The following SBNO1 variants were observed in gnomAD, a reference collection of about 807,000 sequenced individuals.
SBNO1 encodes the protein strawberry notch homolog 1, also known as protein strawberry notch homolog 1.
In SBNO1, 23 loss-of-function variants were observed where a neutral mutation model predicts 173.6. The observed-to-expected ratio is 0.13, with a 90% CI of 0.10 to 0.19. SBNO1 has a LOEUF of 0.19. Ranked by LOEUF, SBNO1 falls within the 10% of genes least tolerant of loss-of-function variation. The pLI is 1.00. For synonymous variants in SBNO1, 632 were observed against 571.5 expected (o/e 1.11, Z -1.51); for missense variants, 1,238 against 1,671.2 (o/e 0.74, Z 4.52).
intron 31 of SBNO1, among the ~76,000 whole-genome samples, chr12:123,296,567 GTTTTT>G (rs1001510830): frequency 8.4e-6 from 1 of 119,254 alleles, no homozygotes; most frequent in South Asian, 2.8e-4. Flanking sequence ...TTTTTTTTTT[GTTTTT>G]TTTTTCTGAG....
chr12:123,336,762 T>C (rs190713585), intron 5 of SBNO1, among the ~76,000 whole-genome samples: 9 of 152,266 alleles, frequency 5.9e-5, no homozygotes, highest in African/African-American at 1.9e-4. Flanking sequence ...CAAGCTACTT[T>C]CCCCTTCAAT....
chr12:123,357,087 G>C (rs1874547754), intron 1 of SBNO1, among the ~76,000 whole-genome samples: 1 of 152,098 alleles, frequency 6.6e-6, no homozygotes, highest in Non-Finnish European at 1.5e-5. Context: ...AGACACTTAA[G>C]AACATCAGGA....
intron 5 of SBNO1, among the ~76,000 whole-genome samples, chr12:123,340,323 G>A (rs1004565720): frequency 5.9e-5 from 9 of 152,134 alleles, no homozygotes; most frequent in Non-Finnish European, 1.0e-4. Context: ...GCTCACGCCT[G>A]TAATCTCAGC....
At chr12:123,307,355 GAA>G (rs952490766) in intron 28 of SBNO1, among the ~76,000 whole-genome samples, 1 of 151,350 alleles carries the variant, frequency 6.6e-6, no homozygotes, top group Admixed American at 6.6e-5. Flanking sequence ...AGGAAGGTGG[GAA>G]AAAAAAGAGA....
At chr12:123,316,158 TA>T (rs1869230800) in intron 21 of SBNO1, among the ~76,000 whole-genome samples, 1 of 152,176 alleles carries the variant, frequency 6.6e-6, no homozygotes, top group Non-Finnish European at 1.5e-5. Flanking sequence ...TCATATACTA[TA>T]AAGTATATAT....
intron 7 of SBNO1, among the ~76,000 whole-genome samples, chr12:123,332,192 C>A (rs919287465): frequency 3.9e-5 from 6 of 152,198 alleles, no homozygotes; most frequent in African/African-American, 1.4e-4. Flanking sequence ...TTATCTCCTG[C>A]TACTCTTCCA....
chr12:123,318,850 T>C (rs770463755), intron 20 of SBNO1, among the ~76,000 whole-genome samples: 25 of 150,828 alleles, frequency 1.7e-4, no homozygotes, highest in Non-Finnish European at 2.9e-4. Context: ...TAACATGACA[T>C]AGCAATAAAA....
chr12:123,345,713 T>C (rs1873044404), intron 3 of SBNO1, 143 bp from the exon 4 acceptor site: 1 of 734,186 alleles, frequency 1.4e-6, no homozygotes, highest in Non-Finnish European at 2.2e-6. Flanking sequence ...AGTCTCATTC[T>C]GTCATGCAGG....
intron 5 of SBNO1, among the ~76,000 whole-genome samples, chr12:123,336,825 G>A (rs1237122065): frequency 6.6e-6 from 1 of 152,014 alleles, no homozygotes; most frequent in Non-Finnish European, 1.5e-5. Flanking sequence ...CTCAGACTTC[G>A]CCTTCATTCT....
intron 2 of SBNO1, among the ~76,000 whole-genome samples, chr12:123,349,435 A>G (rs1044197134): frequency 2.0e-5 from 3 of 152,186 alleles, no homozygotes; most frequent in Non-Finnish European, 4.4e-5. Context: ...GAGAATGTAT[A>G]TAATGAAATC....
intron 30 of SBNO1, among the ~76,000 whole-genome samples, chr12:123,300,023 C>T (rs536604195): frequency 3.0e-4 from 45 of 151,896 alleles, no homozygotes; most frequent in African/African-American, 7.7e-4. Context: ...GGGAGGGGAG[C>T]GAGAGGCTAC....
At chr12:123,339,856 T>C (rs1872317712) in intron 5 of SBNO1, among the ~76,000 whole-genome samples, 1 of 152,080 alleles carries the variant, frequency 6.6e-6, no homozygotes, top group African/African-American at 2.4e-5. Flanking sequence ...TATTCCCACT[T>C]CTTTCTACAA....
At chr12:123,336,540 C>T in intron 5 of SBNO1, 49 bp from the exon 6 acceptor site, 2 of 1,201,972 alleles carry the variant, frequency 1.7e-6, no homozygotes, top group Non-Finnish European at 2.4e-6. Flanking sequence ...GGACCAGACG[C>T]CCAGCCAACA....
At chr12:123,317,158 C>A (rs532173280) in intron 21 of SBNO1, 63 bp downstream of exon 21, 3 of 1,579,488 alleles carry the variant, frequency 1.9e-6, no homozygotes, top group Non-Finnish European at 2.6e-6. Context: ...TTTTGGTATG[C>A]GCAAATTTAC....
chr12:123,338,591 A>T (rs1379466044), intron 5 of SBNO1, among the ~76,000 whole-genome samples: 1 of 151,758 alleles, frequency 6.6e-6, no homozygotes, highest in South Asian at 2.1e-4. Flanking sequence ...GAGGCTGAGG[A>T]AGAGAATTGC....
intron 4 of SBNO1, among the ~76,000 whole-genome samples, chr12:123,343,613 A>G (rs1287912360): frequency 1.4e-5 from 2 of 144,036 alleles, no homozygotes; most frequent in Non-Finnish European, 3.0e-5. Context: ...ATCTCAGCTG[A>G]CTGCAACCTC....
rs1185620536 is a variant in SBNO1 at position 123,290,980 on chromosome 12, C to A, written c.*4928G>T. 6.6e-6 allele frequency: 1 copy of A among 151,884 alleles called. No individual in the cohort carries two copies. The highest frequency in any genetic ancestry group is 1.5e-5 in the Non-Finnish European group (1 of 68,048). 9.4% of individuals were successfully genotyped at this position (151,884 alleles called of 1,614,324 possible). A position where few individuals can be genotyped will look rare whatever the true frequency, so the allele number is the denominator to read the frequency against. On this transcript the variant is annotated 3_prime_UTR_variant, in exon 32 of 32. Transcript: ENST00000602398. ...CCAGGAGATGGTCTCAATCTCCTGA[C>A]CTCATGATCCGCCCGCCTCGGCCTC...
rs1460938188 is a variant in SBNO1, at chr12:123,328,841, T to C, written c.1189A>G (p.Ile397Val). The stretch of plus-strand genomic sequence containing the variant: ...ATAAGTGAAGAGTAAGTAGCAAAAA[T>C]AACACCCTTTTTCACACTCCCATTA... The part of the protein sequence containing the change: ...KHNGSVKKGV[I>V]FATYSSLIGE... Residue 397 changes from isoleucine to valine, a missense_variant, in exon 10 of 32, where the codon ATT becomes GTT. Ile to Val is a conservative substitution (Grantham distance 29). Transcript: ENST00000602398. 25 of 1,607,128 alleles carry C rather than the reference T, an allele frequency of 1.6e-5. No homozygotes were observed. The highest frequency in any genetic ancestry group is 2.2e-5 in the East Asian group (1 of 44,798).
chr12:123,325,491 A>T lies in SBNO1; in HGVS notation c.1973+11T>A, dbSNP rs371565414. The T allele has an allele frequency of 3.2e-6, 5 of 1,582,128 alleles. No homozygotes were observed. In the Admixed American group the frequency reaches 5.0e-5, roughly 16 times the overall value. ...AAAGAAACAAAAACATTAAAAGAAC[A>T]AAAACATTACTTGGCAGTTGAAACA... On this transcript the variant is annotated intron_variant, in intron 15 of 31. Transcript: ENST00000602398.
Sources: allele counts gnomAD v4.1 joint callset (sites outside exome capture counted in the v4.1 genomes callset), GRCh38; gene constraint gnomAD v4.1.1; transcripts MANE v1.5; gene names NCBI Gene and HGNC (gene_info 2026-07-23, HGNC 2026-07-21).